POLR2E: variants seen among roughly 807,000 people sequenced by gnomAD.
POLR2E encodes the protein DNA-directed RNA polymerases I, II, and III subunit RPABC1.
In POLR2E, 35 loss-of-function variants were observed where a neutral mutation model predicts 29.8. That is an observed-to-expected ratio of 1.17 (90% CI 0.90 to 1.55). The LOEUF (loss-of-function observed/expected upper bound fraction) is 1.55, where lower values mean the gene tolerates loss of function less well. Ranked by LOEUF, POLR2E falls within the 40% of genes most tolerant of loss-of-function variation. The probability of loss-of-function intolerance (pLI) is 0.00; values close to 1 mark genes in which losing one functional copy is unlikely to be tolerated. For missense variants in POLR2E, 287 were observed against 288.6 expected, an observed-to-expected ratio of 0.99 and a Z score of 0.04; for synonymous variants, 174 against 112.6, an observed-to-expected ratio of 1.55 and a Z score of -3.45.
chr19:1,089,852 G>A, intron 6 of POLR2E, 32 bp downstream of exon 6: 1 of 1,558,630 alleles, frequency 6.4e-7, no homozygotes, highest in East Asian at 2.2e-5. Flanking sequence ...GCTCAGAGCA[G>A]CCCCAGGGCC....
chr19:1,091,955 C>T (rs1218509512), intron 2 of POLR2E, 48 bp from the exon 3 acceptor site: 2 of 1,318,448 alleles, frequency 1.5e-6, no homozygotes, highest in Middle Eastern at 1.8e-4. Flanking sequence ...GCCCTCGTGG[C>T]CCTCGCCCAC....
Position 1,091,852 on chromosome 19 carries a change from C to T in POLR2E, c.288G>A (p.Glu96=), listed in dbSNP as rs755972500. 7.4e-6 allele frequency: 12 copies of T among 1,613,244 alleles called. No homozygotes were observed. The highest frequency in any genetic ancestry group is 1.6e-4 in the Middle Eastern group (1 of 6,072). The part of the protein sequence containing the change: ...TIKVYCQRMQ[E]ENITRALIVV... Reference sequence around the variant, plus strand: ...CGATGAGAGCCCGTGTGATGTTCTCCTCCTGCATGCGCTGGCAGTACACCT... The same window carrying T: ...CGATGAGAGCCCGTGTGATGTTCTCTTCCTGCATGCGCTGGCAGTACACCT... The change falls in exon 3 of 8, where the codon GAG becomes GAA. Residue 96 remains glutamate, a synonymous_variant. Transcript: ENST00000615234.
At chr19:1,091,393 G>A (rs997723335) in intron 3 of POLR2E, 5 of 363,320 alleles carry the variant, frequency 1.4e-5, no homozygotes, top group Admixed American at 8.3e-5. Context: ...CAGAGTGTCC[G>A]ACAGACAGAC....
chr19:1,091,855 C>T lies in POLR2E; in HGVS notation c.285G>A (p.Gln95=), dbSNP rs1568513384. ...KTIKVYCQRM[Q]EENITRALIV... ...TGAGAGCCCGTGTGATGTTCTCCTC[C>T]TGCATGCGCTGGCAGTACACCTTGA... The change falls in exon 3 of 8, where the codon CAG becomes CAA. Residue 95 remains glutamine (Q), a synonymous_variant. Transcript: ENST00000615234. 2 of 1,613,384 alleles carry T rather than the reference C, an allele frequency of 1.2e-6. No homozygotes were observed. The highest frequency in any genetic ancestry group is 2.7e-5 in the African/African-American group (2 of 75,038).
Position 1,087,910 on chromosome 19 carries a change from C to T in POLR2E, c.*825G>A, listed in dbSNP as rs1165374681. 2 of 152,288 alleles carry T rather than the reference C, an allele frequency of 1.3e-5. No homozygotes were observed. Among genetic ancestry groups the T allele is most frequent in the Non-Finnish European group, 2.9e-5 (2 of 68,066 alleles). 9.4% of individuals were successfully genotyped at this position (152,288 alleles called of 1,614,324 possible). On this transcript the variant is annotated 3_prime_UTR_variant, in exon 8 of 8. Transcript: ENST00000615234. ...AGCAAACGGGGAAGTAGAGCCAGAT[C>T]CCAAACGTCTGTAAGAGGAACTGGC...
At chr19:1,091,562 CCT>C in intron 3 of POLR2E, 1 of 561,172 alleles carries the variant, frequency 1.8e-6, no homozygotes, top group Non-Finnish European at 3.2e-6. Flanking sequence ...TGCCCTCCGC[CCT>C]GACGCCCCTC....
chr19:1,089,806 C>T lies in POLR2E; in HGVS notation c.567+78G>A, dbSNP rs567707775. 2.9e-5 allele frequency: 34 copies of T among 1,185,256 alleles called. No homozygotes were observed. In the African/African-American group the frequency reaches 3.2e-4, roughly 11 times the overall value. 73.4% of individuals were successfully genotyped at this position (1,185,256 alleles called of 1,614,324 possible). On this transcript the variant is annotated intron_variant, in intron 6 of 7. Transcript: ENST00000615234. The stretch of plus-strand genomic sequence containing the variant: ...CCCTGGATCAAGGGGGAGGGGCTGT[C>T]GGGGAGGGACAGAAGCCCCCTTCTC...
In POLR2E at chr19:1,091,801, G is replaced by T; in HGVS notation, c.339C>A (p.Ser113=). 1 of 1,606,448 alleles carries T rather than the reference G, an allele frequency of 6.2e-7. No homozygotes were observed. Among genetic ancestry groups the T allele is most frequent in the Non-Finnish European group, 8.5e-7 (1 of 1,176,300 alleles). Residue 113 remains serine, a synonymous_variant, in exon 3 of 8, where the codon TCC becomes TCA. Coordinates refer to ENST00000615234, the MANE Select transcript of POLR2E (RefSeq NM_002695.5). The part of the protein sequence containing the change: ...LIVVQQGMTP[S]AKQSLVDMAP... ...GGGCAGGGGTGCCCACCTGCTTGGCGGAGGGTGTCATGCCCTGCTGCACCA... is the reference window on the plus strand; with the variant it reads ...GGGCAGGGGTGCCCACCTGCTTGGCTGAGGGTGTCATGCCCTGCTGCACCA...
Position 1,087,921 on chromosome 19 carries a change from G to GT in POLR2E, c.*813dup, listed in dbSNP as rs2043740540. 6.6e-6 allele frequency: 1 copy of GT among 152,246 alleles called. No individual in the cohort carries two copies. The highest frequency in any genetic ancestry group is 2.1e-4 in the South Asian group (1 of 4,830). 9.4% of individuals were successfully genotyped at this position (152,246 alleles called of 1,614,324 possible). On this transcript the variant is annotated 3_prime_UTR_variant, in exon 8 of 8. Coordinates refer to ENST00000615234, the MANE Select transcript of POLR2E (RefSeq NM_002695.5). The stretch of plus-strand genomic sequence containing the variant: ...AAGTAGAGCCAGATCCCAAACGTCT[G>GT]TAAGAGGAACTGGCCGCAAACCACA...
chr19:1,095,184 C>A, intron 1 of POLR2E, 75 bp downstream of exon 1: 2 of 1,450,624 alleles, frequency 1.4e-6, no homozygotes, highest in Non-Finnish European at 9.6e-7. Context: ...TACGAGGAGA[C>A]GCCGTGCTCG....
intron 2 of POLR2E, among the ~76,000 whole-genome samples, chr19:1,093,456 G>C (rs2145147687): frequency 6.6e-6 from 1 of 152,010 alleles, no homozygotes; most frequent in African/African-American, 2.4e-5. Context: ...ACCGGACGCT[G>C]ACAGGGGAGA....
chr19:1,094,399 G>C (rs1195004262), intron 1 of POLR2E: 1 of 327,520 alleles, frequency 3.1e-6, no homozygotes, highest in Non-Finnish European at 5.6e-6. Flanking sequence ...AGGGACAAAG[G>C]CGGGGCGCGG....
rs1387536976 is a variant in POLR2E at position 1,087,057 on chromosome 19, C to G, written c.*1678G>C. 1 of 151,654 alleles carries G rather than the reference C, an allele frequency of 6.6e-6. No individual in the cohort carries two copies. Among genetic ancestry groups the G allele is most frequent in the Non-Finnish European group, 1.5e-5 (1 of 67,996 alleles). 9.4% of individuals were successfully genotyped at this position (151,654 alleles called of 1,614,324 possible). ...CCAGGCTGGAGTACAGGAGCACAAT[C>G]GTAGCTCACTGCAGCCTCGGCCTCC... On this transcript the variant is annotated 3_prime_UTR_variant, in exon 8 of 8. Coordinates refer to ENST00000615234, the MANE Select transcript of POLR2E (RefSeq NM_002695.5).
chr19:1,089,303 G>T (rs981855821), intron 7 of POLR2E, among the ~76,000 whole-genome samples, 169 bp downstream of exon 7: 11 of 152,148 alleles, frequency 7.2e-5, no homozygotes, highest in Admixed American at 1.3e-4. Flanking sequence ...CTACGGTCGG[G>T]TGGGGTCTGG....
chr19:1,088,098 C>G lies in POLR2E; in HGVS notation c.*637G>C, dbSNP rs1158879111. The G allele has an allele frequency of 6.6e-6, 1 of 152,384 alleles. No individual in the cohort carries two copies. Among genetic ancestry groups the G allele is most frequent in the Non-Finnish European group, 1.5e-5 (1 of 68,074 alleles). The allele number at this position is 152,384 out of a possible 1,614,324, so 9.4% of individuals were successfully genotyped here. A position where few individuals can be genotyped will look rare whatever the true frequency, so the allele number is the denominator to read the frequency against. ...GCCAGCGCGAGGAGGGCACACCTGC[C>G]AGGCTGACCTCGTGTGCTTGGGGTG... On this transcript the variant is annotated 3_prime_UTR_variant, in exon 8 of 8. Coordinates refer to ENST00000615234, the MANE Select transcript of POLR2E (RefSeq NM_002695.5).
chr19:1,093,903 C>T lies in POLR2E; in HGVS notation c.232+1G>A, dbSNP rs757395940. On this transcript the variant is annotated splice_donor_variant, in intron 2 of 7. Coordinates refer to ENST00000615234, the MANE Select transcript of POLR2E (RefSeq NM_002695.5). LOFTEE classifies it high-confidence loss of function. ...GAACTCCCCCGGGACCCGCTGCTCA[C>T]CTGGAAAGAACACAAACATCTGGTC... is the stretch of plus-strand genomic sequence containing the variant. 2.6e-5 allele frequency: 41 copies of T among 1,590,568 alleles called. No individual in the cohort carries two copies. The highest frequency in any genetic ancestry group is 3.3e-5 in the Non-Finnish European group (39 of 1,167,130).
rs1176093716 is a variant in POLR2E at position 1,088,203 on chromosome 19, A to C, written c.*532T>G. 6.6e-6 allele frequency: 1 copy of C among 152,322 alleles called. No homozygotes were observed. Among genetic ancestry groups the C allele is most frequent in the African/African-American group, 2.4e-5 (1 of 41,428 alleles). The allele number at this position is 152,322 out of a possible 1,614,324, so 9.4% of individuals were successfully genotyped here. A position where few individuals can be genotyped will look rare whatever the true frequency, so the allele number is the denominator to read the frequency against. On this transcript the variant is annotated 3_prime_UTR_variant, in exon 8 of 8. Transcript: ENST00000615234. ...AAATTTATTTGCTCAAAACATCTTT[A>C]CCATTTGAAAACACCCAACCTCCTA...
intron 6 of POLR2E, 86 bp from the exon 7 acceptor site, chr19:1,089,637 GGATGGCCGGCAGGGGTCCGA>G: frequency 8.3e-7 from 1 of 1,198,422 alleles, no homozygotes; most frequent in African/African-American, 1.5e-5. Flanking sequence ...CACGGGCTGG[GGATGGCCGGCAGGGGTCCGA>G]GATGGCTGAC....
Position 1,089,920 on chromosome 19 carries a change from G to A in POLR2E, c.531C>T (p.Asp177=), listed in dbSNP as rs1382444602. 3 of 1,612,886 alleles carry A rather than the reference G, an allele frequency of 1.9e-6. No homozygotes were observed. The highest frequency in any genetic ancestry group is 8.5e-7 in the Non-Finnish European group (1 of 1,179,926). ...TTATCCCAAAGTAGCGCGCCACAGG[G>A]TCCCCCGCCTGGATCCTGGGCAGCT... ...ENQLPRIQAG[D]PVARYFGIKR... is the part of the protein sequence containing the mutation. The change falls in exon 6 of 8, where the codon GAC becomes GAT. Residue 177 remains aspartate (D), a synonymous_variant. Coordinates refer to ENST00000615234, the MANE Select transcript of POLR2E (RefSeq NM_002695.5).
Sources: allele counts gnomAD v4.1 joint callset (sites outside exome capture counted in the v4.1 genomes callset), GRCh38; gene constraint gnomAD v4.1.1; transcripts MANE v1.5; gene names NCBI Gene and HGNC (gene_info 2026-07-23, HGNC 2026-07-21).